The following KLF7 variants were observed in gnomAD, a reference collection of about 807,000 sequenced individuals.
The protein encoded by KLF7 is KLF transcription factor 7.
A neutral mutation model predicts 27.3 loss-of-function variants in KLF7; 2 were observed. The observed-to-expected ratio is 0.07, with a 90% CI of 0.03 to 0.23. The LOEUF is 0.23. Ranked by LOEUF, KLF7 falls within the 10% of genes least tolerant of loss-of-function variation. The pLI, the probability that KLF7 is intolerant of heterozygous loss-of-function variation, is 1.00. For synonymous variants in KLF7, 165 were observed against 162.4 expected (o/e 1.02, Z -0.12); for missense variants, 221 against 394.1 (o/e 0.56, Z 3.72).
chr2:207,075,075 ATACAG>A lies in KLF7; in HGVS notation c.*6133_*6137del, dbSNP rs1490013595. 1 of 152,222 alleles carries A rather than the reference ATACAG, an allele frequency of 6.6e-6. No homozygotes were observed. The highest frequency in any genetic ancestry group is 1.5e-5 in the Non-Finnish European group (1 of 68,040). The allele number at this position is 152,222 out of a possible 1,614,324, so 9.4% of individuals were successfully genotyped here. On this transcript the variant is annotated 3_prime_UTR_variant, in exon 4 of 4. Transcript: ENST00000309446. ...CCCCAGTGAAACAAGCTAAGGAGAA[ATACAG>A]TAAAGTATTCCAAGGCCAAACACAT... is the stretch of plus-strand genomic sequence containing the variant.
intron 1 of KLF7, among the ~76,000 whole-genome samples, chr2:207,125,726 G>T (rs1310701600): frequency 6.6e-6 from 1 of 152,074 alleles, no homozygotes; most frequent in Admixed American, 6.5e-5. Flanking sequence ...ATTTTCAATG[G>T]TAAGAACTAA....
chr2:207,118,127 GTTACTTTTTTGTTGTTGTGGTTCCTCAGT>G (rs2077237994), intron 2 of KLF7, among the ~76,000 whole-genome samples: 1 of 152,174 alleles, frequency 6.6e-6, no homozygotes, highest in Non-Finnish European at 1.5e-5. Flanking sequence ...CCTGAACCAA[GTTACTTTTTTGTTGTTGTGGTTCCTCAGT>G]TTCTCCCATG....
intron 2 of KLF7, among the ~76,000 whole-genome samples, chr2:207,096,393 T>C (rs566784850): frequency 6.6e-5 from 10 of 152,348 alleles, no homozygotes; most frequent in Middle Eastern, 6.8e-3. Context: ...GAGGCACTTA[T>C]TAAAAATGCA....
Position 207,095,127 on chromosome 2 carries a change from G to A in KLF7, c.734-6546C>T, listed in dbSNP as rs574091013. 6.6e-4 allele frequency among the ~76,000 whole-genome samples: 85 copies of A among 128,808 alleles called. 1 individual carries two copies. In the South Asian group the frequency reaches 0.022, roughly 34 times the overall value. 84.5% of individuals were successfully genotyped at this position (128,808 alleles called of 152,430 possible). ...GCGATCTCGGCTCACTGCAAGCTCCGCCTCCTGGGTTCACGCCATTCTCCT... is the reference window on the plus strand; with the variant it reads ...GCGATCTCGGCTCACTGCAAGCTCCACCTCCTGGGTTCACGCCATTCTCCT... On this transcript the variant is annotated intron_variant, in intron 2 of 3. Transcript: ENST00000309446.
chr2:207,077,185 A>C lies in KLF7; in HGVS notation c.*4028T>G, dbSNP rs17215792. 0.078 allele frequency: 11,869 copies of C among 152,250 alleles called. 577 individuals carry two copies. Among genetic ancestry groups the C allele is most frequent in the East Asian group, 0.12 (597 of 5,172 alleles). 9.4% of individuals were successfully genotyped at this position (152,250 alleles called of 1,614,324 possible). A position where few individuals can be genotyped will look rare whatever the true frequency, so the allele number is the denominator to read the frequency against. On this transcript the variant is annotated 3_prime_UTR_variant, in exon 4 of 4. Transcript: ENST00000309446. ...CGAGTCACTGGGTTTTGTTCTTGCA[A>C]CTTGAGTTTCTTTTGGCTTTGCCAT...
chr2:207,166,624 G>A (rs2078720671), upstream of KLF7: 1 of 185,212 alleles, frequency 5.4e-6, no homozygotes, highest in Admixed American at 6.5e-5. Context: ...CTCCTGGAGG[G>A]GGCGCGGCGC....
chr2:207,101,303 T>C (rs1300728657), intron 2 of KLF7, among the ~76,000 whole-genome samples: 1 of 152,178 alleles, frequency 6.6e-6, no homozygotes, highest in African/African-American at 2.4e-5. Context: ...AGCTCCCAGT[T>C]AGGAAAGCAC....
At chr2:207,143,705 A>G (rs927985419) in intron 1 of KLF7, among the ~76,000 whole-genome samples, 1 of 152,170 alleles carries the variant, frequency 6.6e-6, no homozygotes, top group Admixed American at 6.5e-5. Context: ...TTCTGTGGCT[A>G]CTACTCAGAT....
intron 1 of KLF7, among the ~76,000 whole-genome samples, chr2:207,162,617 G>A (rs564722662): frequency 2.0e-5 from 3 of 152,236 alleles, no homozygotes; most frequent in South Asian, 4.1e-4. Context: ...GAGGATCTCC[G>A]TGACGAGAGG....
At chr2:207,125,627 G>GT (rs1197714629) in intron 1 of KLF7, among the ~76,000 whole-genome samples, 5 of 152,202 alleles carry the variant, frequency 3.3e-5, no homozygotes, top group Admixed American at 2.6e-4. Flanking sequence ...CAAAAGACTG[G>GT]TTTTTAATCA....
rs71412410 is a variant in KLF7 at position 207,165,715 on chromosome 2, GA to G, written c.-148del. On this transcript the variant is annotated 5_prime_UTR_variant, in exon 1 of 4. An upstream open reading frame in the 5' UTR loses its in-frame stop. Coordinates refer to ENST00000309446, the MANE Select transcript of KLF7 (RefSeq NM_003709.4). Reference sequence around the variant, plus strand: ...TGTTTTGTTTCAGTCAACTAAAAAGGAAAAAAAAAAATCAATGCAGGAGAGG... The same window carrying G: ...TGTTTTGTTTCAGTCAACTAAAAAGGAAAAAAAAAATCAATGCAGGAGAGG... 0.022 allele frequency: 21,347 copies of G among 990,296 alleles called. 1 individual carries two copies. Among genetic ancestry groups the G allele is most frequent in the South Asian group, 0.051 (2,067 of 40,826 alleles). The allele number at this position is 990,296 out of a possible 1,614,324, so 61.3% of individuals were successfully genotyped here.
intron 1 of KLF7, among the ~76,000 whole-genome samples, chr2:207,133,524 G>A (rs1012109470): frequency 3.3e-5 from 5 of 152,242 alleles, no homozygotes; most frequent in African/African-American, 9.6e-5. Flanking sequence ...TTTCAGAGGA[G>A]TGATGGCTTC....
rs183057048 is a variant in KLF7, at chr2:207,147,894, G to A, written c.102+17573C>T. ...CAGTTCTTGAAATGTTTTAGGAAGC[G>A]TTTGATTTTCTTTAAAAGACAAAAC... On this transcript the variant is annotated intron_variant, in intron 1 of 3. Transcript: ENST00000309446. Among the ~76,000 whole-genome samples, 178 of 152,208 alleles carry A rather than the reference G, an allele frequency of 1.2e-3. 1 individual carries two copies. The highest frequency in any genetic ancestry group is 1.9e-3 in the Non-Finnish European group (126 of 68,012).
At chr2:207,133,522 G>A (rs896390071) in intron 1 of KLF7, among the ~76,000 whole-genome samples, 1 of 152,202 alleles carries the variant, frequency 6.6e-6, no homozygotes, top group Non-Finnish European at 1.5e-5. Flanking sequence ...CTTTTCAGAG[G>A]AGTGATGGCT....
At chr2:207,101,825 C>T (rs2076771265) in intron 2 of KLF7, among the ~76,000 whole-genome samples, 1 of 152,118 alleles carries the variant, frequency 6.6e-6, no homozygotes, top group Non-Finnish European at 1.5e-5. Flanking sequence ...AAGAGACTAT[C>T]ATATTGTTTG....
intron 1 of KLF7, among the ~76,000 whole-genome samples, chr2:207,144,937 A>G (rs929185042): frequency 2.0e-5 from 3 of 152,198 alleles, no homozygotes; most frequent in Non-Finnish European, 2.9e-5. Flanking sequence ...CACACTTCCC[A>G]GAAAGGTTTT....
At chr2:207,081,899 A>C (rs2105846962) in intron 3 of KLF7, among the ~76,000 whole-genome samples, 1 of 150,234 alleles carries the variant, frequency 6.7e-6, no homozygotes, top group Admixed American at 6.6e-5. Context: ...ACAGTTATTG[A>C]GTATGTTACG....
chr2:207,103,103 T>C (rs2076806254), intron 2 of KLF7, among the ~76,000 whole-genome samples: 1 of 152,126 alleles, frequency 6.6e-6, no homozygotes, highest in Non-Finnish European at 1.5e-5. Context: ...AATTTTTGTA[T>C]TTTTAGTAGA....
upstream of KLF7, among the ~76,000 whole-genome samples, chr2:207,170,892 A>G (rs998927340): frequency 3.3e-5 from 5 of 151,944 alleles, no homozygotes; most frequent in Non-Finnish European, 5.9e-5. Flanking sequence ...AGCTAACACA[A>G]CATCCATTAT....
Sources: gnomAD v4.1 joint callset for allele counts (sites outside exome capture counted in the v4.1 genomes callset) on GRCh38, gnomAD v4.1.1 for gene constraint, MANE v1.5 for transcripts, NCBI Gene and HGNC (gene_info 2026-07-23, HGNC 2026-07-21) for gene names.